FBXL17: variants seen among roughly 807,000 people sequenced by gnomAD.
FBXL17 encodes F-box/LRR-repeat protein 17.
Under a neutral mutation model 66.2 loss-of-function variants are expected in FBXL17, and 22 were observed. The observed-to-expected ratio is 0.33, with a 90% confidence interval of 0.24 to 0.47. The LOEUF (loss-of-function observed/expected upper bound fraction) is 0.47. FBXL17 is among the 20% of genes least tolerant of loss of function. FBXL17 has a pLI of 1.00. For synonymous variants in FBXL17, 474 were observed against 400.5 expected (o/e 1.18, Z -2.19); for missense variants, 878 against 948.2 (o/e 0.93, Z 0.97).
intron 3 of FBXL17, among the ~76,000 whole-genome samples, chr5:108,350,119 G>A (rs1331687112): frequency 6.6e-6 from 1 of 152,104 alleles, no homozygotes; most frequent in East Asian, 1.9e-4. Context: ...AGCCAACAGT[G>A]GGAAAAGCAA....
intron 4 of FBXL17, among the ~76,000 whole-genome samples, chr5:108,286,947 A>G (rs1471637488): frequency 6.6e-6 from 1 of 152,008 alleles, no homozygotes; most frequent in Non-Finnish European, 1.5e-5. Context: ...GACAAATGGA[A>G]CAGCATAGAG....
At chr5:108,343,892 T>C (rs990266177) in intron 4 of FBXL17, among the ~76,000 whole-genome samples, 1 of 152,132 alleles carries the variant, frequency 6.6e-6, no homozygotes, top group Non-Finnish European at 1.5e-5. Context: ...TATCCTCTCC[T>C]GATAGGAGAG....
chr5:107,898,680 C>T (rs1749465614), intron 7 of FBXL17, among the ~76,000 whole-genome samples: 1 of 152,066 alleles, frequency 6.6e-6, no homozygotes. Context: ...TCCATGTGTT[C>T]TCATTGTTCA....
rs575024980 is a variant in FBXL17, at chr5:108,280,003, T to C, written c.1507-55775A>G. On this transcript the variant is annotated intron_variant, in intron 4 of 8. Transcript: ENST00000542267. ...GTGAAGCAACTGAACTTATGAATTA[T>C]TGGAATACCTAAGGAAAAAGAGAGA... Among the ~76,000 whole-genome samples the C allele has an allele frequency of 1.2e-4, 18 of 152,196 alleles. No homozygotes were observed. In the South Asian group the frequency reaches 2.5e-3, roughly 21 times the overall value.
chr5:108,323,918 A>G (rs1208920614), intron 4 of FBXL17, among the ~76,000 whole-genome samples: 1 of 152,174 alleles, frequency 6.6e-6, no homozygotes, highest in South Asian at 2.1e-4. Context: ...ACCTTGATCC[A>G]TATGTTAAAA....
intron 4 of FBXL17, among the ~76,000 whole-genome samples, chr5:108,323,822 C>A (rs1444108298): frequency 1.3e-5 from 2 of 151,990 alleles, no homozygotes; most frequent in Admixed American, 1.3e-4. Context: ...GGTGCCGGCA[C>A]TATTCAGTGG....
intron 6 of FBXL17, among the ~76,000 whole-genome samples, chr5:108,175,451 T>G (rs964013390): frequency 1.3e-5 from 2 of 152,250 alleles, no homozygotes; most frequent in African/African-American, 2.4e-5. Flanking sequence ...ATATTCATTT[T>G]AAGGGAAATT....
At chr5:108,161,157 A>AATAG (rs992628832) in intron 6 of FBXL17, among the ~76,000 whole-genome samples, 4 of 98,594 alleles carry the variant, frequency 4.1e-5, no homozygotes, top group African/African-American at 1.1e-4. Context: ...TTAATCAACA[A>AATAG]ATAGATACAT....
At chr5:108,169,423 T>C (rs1752527664) in intron 6 of FBXL17, among the ~76,000 whole-genome samples, 1 of 152,202 alleles carries the variant, frequency 6.6e-6, no homozygotes, top group East Asian at 1.9e-4. Flanking sequence ...AACTGTTGTT[T>C]TGGTTTCCTT....
At chr5:108,296,608 G>C (rs1261261456) in intron 4 of FBXL17, among the ~76,000 whole-genome samples, 2 of 151,686 alleles carry the variant, frequency 1.3e-5, no homozygotes, top group African/African-American at 4.8e-5. Context: ...TTTGATGTCA[G>C]GAATGGAGAG....
intron 3 of FBXL17, among the ~76,000 whole-genome samples, chr5:108,364,523 G>T (rs1181573620): frequency 6.6e-6 from 1 of 151,990 alleles, no homozygotes; most frequent in South Asian, 2.1e-4. Context: ...GGTCACAGAA[G>T]TTCAGGCTCT....
chr5:107,901,834 A>C (rs1749576115), intron 7 of FBXL17, among the ~76,000 whole-genome samples: 2 of 152,332 alleles, frequency 1.3e-5, no homozygotes, highest in African/African-American at 4.8e-5. Context: ...AAAGGTAGGC[A>C]CTGGGAATAC....
intron 4 of FBXL17, among the ~76,000 whole-genome samples, chr5:108,317,345 T>A (rs1759414637): frequency 6.6e-6 from 1 of 150,520 alleles, no homozygotes; most frequent in Non-Finnish European, 1.5e-5. Context: ...TTTTTTTTTT[T>A]AACTAGAAAA....
intron 4 of FBXL17, among the ~76,000 whole-genome samples, chr5:108,250,134 A>G (rs577568436): frequency 1.3e-5 from 2 of 152,274 alleles, no homozygotes; most frequent in South Asian, 2.1e-4. Context: ...TGCAACTGCT[A>G]CCAATCAATT....
chr5:107,869,825 C>T (rs1267872314), intron 8 of FBXL17, among the ~76,000 whole-genome samples: 1 of 152,198 alleles, frequency 6.6e-6, no homozygotes, highest in Non-Finnish European at 1.5e-5. Flanking sequence ...GTGTGATCAG[C>T]TTCACATTCC....
intron 5 of FBXL17, among the ~76,000 whole-genome samples, chr5:108,210,489 C>G (rs1315809805): frequency 2.6e-5 from 4 of 152,140 alleles, no homozygotes; most frequent in Non-Finnish European, 5.9e-5. Flanking sequence ...TAAATGTGTC[C>G]TAGAGATTCT....
intron 4 of FBXL17, among the ~76,000 whole-genome samples, chr5:108,259,271 T>C (rs1756711515): frequency 6.6e-6 from 1 of 152,148 alleles, no homozygotes. Context: ...TCTATCGATA[T>C]GGGATATGAT....
At chr5:108,058,233 G>A (rs1442602073) in intron 6 of FBXL17, among the ~76,000 whole-genome samples, 10 of 152,174 alleles carry the variant, frequency 6.6e-5, no homozygotes, top group Non-Finnish European at 1.0e-4. Flanking sequence ...ACAGAGGTTC[G>A]GTTTGATAGT....
At chr5:107,966,513 C>A (rs1289662904) in intron 7 of FBXL17, among the ~76,000 whole-genome samples, 1 of 152,126 alleles carries the variant, frequency 6.6e-6, no homozygotes, top group Admixed American at 6.6e-5. Flanking sequence ...TTCAAGCAAT[C>A]CCTGTTTCCA....
Sources: gnomAD v4.1 joint callset for allele counts (sites outside exome capture counted in the v4.1 genomes callset) on GRCh38, gnomAD v4.1.1 for gene constraint, MANE v1.5 for transcripts, NCBI Gene and HGNC (gene_info 2026-07-23, HGNC 2026-07-21) for gene names.